GTF3C3: variants seen among roughly 807,000 people sequenced by gnomAD.
The protein encoded by GTF3C3 is general transcription factor 3C polypeptide 3.
A neutral mutation model predicts 105.2 loss-of-function variants in GTF3C3; 75 were observed. The ratio of observed to expected loss-of-function variants is 0.71; its 90% confidence interval spans 0.59 to 0.86. GTF3C3 has a LOEUF of 0.86. Among genes scored for constraint, GTF3C3 ranks in the 40% least tolerant of loss-of-function variants. The pLI, the probability that GTF3C3 is intolerant of heterozygous loss-of-function variation, is 0.00. For missense variants in GTF3C3, 856 were observed against 1,076.5 expected (o/e 0.80, Z 2.87); for synonymous variants, 335 against 370.4 (o/e 0.90, Z 1.10).
At chr2:196,782,799 G>A (rs1418907804) in intron 8 of GTF3C3, among the ~76,000 whole-genome samples, 1 of 152,196 alleles carries the variant, frequency 6.6e-6, no homozygotes, top group Non-Finnish European at 1.5e-5. Context: ...TAAGTATGGA[G>A]ATTGAGAGTA....
intron 2 of GTF3C3, among the ~76,000 whole-genome samples, chr2:196,794,531 T>A (rs1242339903): frequency 6.6e-6 from 1 of 152,006 alleles, no homozygotes; most frequent in Non-Finnish European, 1.5e-5. Context: ...ACCTCCCAGA[T>A]TCAAGCAATT....
chr2:196,784,791 C>T, intron 8 of GTF3C3, 66 bp downstream of exon 8: 1 of 1,490,724 alleles, frequency 6.7e-7, no homozygotes, highest in East Asian at 2.3e-5. Flanking sequence ...AAATTTTCAC[C>T]ATAAAACGCC....
chr2:196,781,342 G>GAAAAAA (rs769914255), intron 8 of GTF3C3, among the ~76,000 whole-genome samples: 6 of 31,442 alleles, frequency 1.9e-4, no homozygotes, highest in African/African-American at 6.0e-4. Flanking sequence ...ATGTTAAGGG[G>GAAAAAA]AAAAAAAAAA....
At chr2:196,796,509 T>TC (rs1699648096) in intron 2 of GTF3C3, among the ~76,000 whole-genome samples, 1 of 152,200 alleles carries the variant, frequency 6.6e-6, no homozygotes, top group African/African-American at 2.4e-5. Flanking sequence ...TGCCTTTTTT[T>TC]CTTCATCTTT....
chr2:196,781,354 AAAAATATAT>A lies in GTF3C3; in HGVS notation c.1115-701_1115-693del, dbSNP rs1337364418. On this transcript the variant is annotated intron_variant, in intron 8 of 17. Coordinates refer to ENST00000263956, the MANE Select transcript of GTF3C3 (RefSeq NM_012086.5). ...AAAATGTTAAGGGGAAAAAAAAAAA[AAAAATATAT>A]ATATATATATATATATATATATATA... Among the ~76,000 whole-genome samples the A allele has an allele frequency of 1.2e-3, 99 of 84,050 alleles. 1 individual carries two copies. Among genetic ancestry groups the A allele is most frequent in the South Asian group, 3.5e-3 (8 of 2,264 alleles). The allele number at this position is 84,050 out of a possible 152,430, so 55.1% of individuals were successfully genotyped here.
chr2:196,795,583 T>C (rs1243728135), intron 2 of GTF3C3, among the ~76,000 whole-genome samples: 1 of 152,228 alleles, frequency 6.6e-6, no homozygotes, highest in African/African-American at 2.4e-5. Flanking sequence ...TCCATCCTGA[T>C]AGAACGAAGC....
intron 16 of GTF3C3, 43 bp from the exon 17 acceptor site, chr2:196,766,760 A>C: frequency 6.8e-7 from 1 of 1,470,748 alleles, no homozygotes; most frequent in Non-Finnish European, 9.4e-7. Context: ...CACTGATTTG[A>C]CAATTATGTA....
At chr2:196,777,357 G>A (rs1472608492) in intron 10 of GTF3C3, among the ~76,000 whole-genome samples, 2 of 152,092 alleles carry the variant, frequency 1.3e-5, no homozygotes, top group Non-Finnish European at 2.9e-5. Flanking sequence ...CACTCAATTA[G>A]TTCCTGAGTA....
intron 2 of GTF3C3, among the ~76,000 whole-genome samples, chr2:196,795,208 T>C (rs1214287738): frequency 6.6e-6 from 1 of 152,034 alleles, no homozygotes; most frequent in African/African-American, 2.4e-5. Context: ...CAGCTAATTT[T>C]TCTATTTTTA....
At position 196,799,386 on chromosome 2, in the gene GTF3C3, A is replaced by C. The variant is rs1370472977; in HGVS notation, c.102+124T>G. 4.3e-6 allele frequency: 3 copies of C among 698,894 alleles called. No individual in the cohort carries two copies. The East Asian group carries it at 7.5e-5, about 18-fold the overall frequency. 43.3% of individuals were successfully genotyped at this position (698,894 alleles called of 1,614,324 possible). On this transcript the variant is annotated intron_variant, in intron 1 of 17. Coordinates refer to ENST00000263956, the MANE Select transcript of GTF3C3 (RefSeq NM_012086.5). The stretch of plus-strand genomic sequence containing the variant: ...TGAAAACCGGAGTTTCTGTAAGATA[A>C]GGAAGAAGCTGCTGAAAGTTCCCAG...
chr2:196,799,264 A>G (rs560090351), intron 1 of GTF3C3: 2 of 447,722 alleles, frequency 4.5e-6, no homozygotes, highest in African/African-American at 4.0e-5. Context: ...CCTGAAATAA[A>G]AACGTAGTAT....
Position 196,776,117 on chromosome 2 carries a change from C to A in GTF3C3, c.1594-6G>T. 7.1e-7 allele frequency: 1 copy of A among 1,407,420 alleles called. No homozygotes were observed. 87.2% of individuals were successfully genotyped at this position (1,407,420 alleles called of 1,614,324 possible). A position where few individuals can be genotyped will look rare whatever the true frequency, so the allele number is the denominator to read the frequency against. ...TGAAGCAATAACTTCAGTTCCTAAA[C>A]AAATAAGCACATGATGATGAGCCTA... On this transcript the variant is annotated splice_region_variant and splice_polypyrimidine_tract_variant and intron_variant, in intron 11 of 17. Transcript: ENST00000263956. This position sits in a 1 kb window ranked among gnomAD's most constrained non-coding sequence, Gnocchi z 4.5.
At chr2:196,772,463 G>A (rs1257766735) in intron 14 of GTF3C3, among the ~76,000 whole-genome samples, 5 of 152,238 alleles carry the variant, frequency 3.3e-5, no homozygotes, top group Admixed American at 1.3e-4. Flanking sequence ...CAGGAGAATC[G>A]CTTGAACCTG....
At chr2:196,774,702 G>A in intron 13 of GTF3C3, among the ~76,000 whole-genome samples, 1 of 152,134 alleles carries the variant, frequency 6.6e-6, no homozygotes, top group East Asian at 1.9e-4. Context: ...TTGAGACTAG[G>A]TCACAGCAAC....
chr2:196,782,331 A>T (rs1243634625), intron 8 of GTF3C3, among the ~76,000 whole-genome samples: 2 of 148,964 alleles, frequency 1.3e-5, no homozygotes, highest in Non-Finnish European at 3.0e-5. Flanking sequence ...TTTATACATT[A>T]CCCAGTCTAA....
Position 196,790,078 on chromosome 2 carries a change from A to C in GTF3C3, c.536-8T>G. On this transcript the variant is annotated splice_polypyrimidine_tract_variant and splice_region_variant and intron_variant, in intron 4 of 17. Transcript: ENST00000263956. ...GCTCATAAGCCAGAGGAGCTATAAC[A>C]AATTAAAAAAATAAATTCCATTGGC... 1 of 1,568,738 alleles carries C rather than the reference A, an allele frequency of 6.4e-7. No homozygotes were observed. Among genetic ancestry groups the C allele is most frequent in the South Asian group, 1.2e-5 (1 of 85,122 alleles).
chr2:196,779,408 T>C (rs1307689025), intron 9 of GTF3C3, among the ~76,000 whole-genome samples: 1 of 152,092 alleles, frequency 6.6e-6, no homozygotes. Context: ...GCTCTCTTTT[T>C]AACCTACATA....
Position 196,799,561 on chromosome 2 carries a change from G to C in GTF3C3, c.51C>G (p.Ser17=), listed in dbSNP as rs1699710288. The C allele has an allele frequency of 6.2e-7, 1 of 1,614,056 alleles. No individual in the cohort carries two copies. The highest frequency in any genetic ancestry group is 1.3e-5 in the African/African-American group (1 of 74,924). ...CTCTCCGCCGTTCGAACTCCTCAAA[G>C]GAGATTTTCCCTTCCAAGTAGTCGA... is the stretch of plus-strand genomic sequence containing the variant. ...ELIDYLEGKI[S]FEEFERRREE... is the part of the protein sequence containing the mutation. The change falls in exon 1 of 18, where the codon TCC becomes TCG. Residue 17 remains serine, a synonymous_variant. Transcript: ENST00000263956.
At position 196,790,174 on chromosome 2, in the gene GTF3C3, C is replaced by G; in HGVS notation, c.536-104G>C. 6.5e-6 allele frequency: 4 copies of G among 614,644 alleles called. No homozygotes were observed. In the South Asian group the frequency reaches 8.4e-5, roughly 13 times the overall value. 38.1% of individuals were successfully genotyped at this position (614,644 alleles called of 1,614,324 possible). On this transcript the variant is annotated intron_variant, in intron 4 of 17. Transcript: ENST00000263956. ...TATGTCTTTTTTTTAAATACCTAAA[C>G]TCTTCAAATCACTCTAGCAGAATTA... is the stretch of plus-strand genomic sequence containing the variant.
Sources: allele counts gnomAD v4.1 joint callset (sites outside exome capture counted in the v4.1 genomes callset), GRCh38; gene constraint gnomAD v4.1.1; non-coding constraint Gnocchi (gnomAD v3.1); transcripts MANE v1.5; gene names NCBI Gene and HGNC (gene_info 2026-07-23, HGNC 2026-07-21).